LRFN5: variants seen among roughly 807,000 people sequenced by gnomAD.
LRFN5 encodes leucine-rich repeat and fibronectin type-III domain-containing protein 5.
LRFN5 carries 24 observed loss-of-function variants against 45.6 expected under a neutral mutation model. That is an observed-to-expected ratio of 0.53 (90% CI 0.38 to 0.74). LRFN5 has a LOEUF of 0.74. Among genes scored for constraint, LRFN5 ranks in the 30% least tolerant of loss-of-function variants. LRFN5 has a pLI of 0.00. For missense variants in LRFN5, 776 were observed against 861.5 expected, an observed-to-expected ratio of 0.90 and a Z score of 1.24; for synonymous variants, 340 against 313.8, an observed-to-expected ratio of 1.08 and a Z score of -0.88.
chr14:41,862,153 C>A (rs1889687525), intron 2 of LRFN5, among the ~76,000 whole-genome samples: 1 of 152,182 alleles, frequency 6.6e-6, no homozygotes, highest in South Asian at 2.1e-4. Context: ...AATTAAACCT[C>A]TTTTCGTTAT....
intron 1 of LRFN5, among the ~76,000 whole-genome samples, chr14:41,690,841 T>C (rs1287726866): frequency 6.6e-6 from 1 of 152,162 alleles, no homozygotes; most frequent in Non-Finnish European, 1.5e-5. Context: ...TTTACCCTTA[T>C]ATCAAACTTC....
chr14:41,868,176 C>T (rs1889901634), intron 2 of LRFN5, among the ~76,000 whole-genome samples: 1 of 151,998 alleles, frequency 6.6e-6, no homozygotes, highest in Non-Finnish European at 1.5e-5. Flanking sequence ...TTCTCCAAGA[C>T]ATAGCCCTTC....
intron 1 of LRFN5, among the ~76,000 whole-genome samples, chr14:41,609,862 AT>A (rs1303462774): frequency 6.6e-6 from 1 of 151,912 alleles, no homozygotes; most frequent in Non-Finnish European, 1.5e-5. Context: ...GCGCTGCCTG[AT>A]TTTCCCCCAC....
At chr14:41,611,905 CT>C (rs1036867322) in intron 1 of LRFN5, among the ~76,000 whole-genome samples, 1 of 152,198 alleles carries the variant, frequency 6.6e-6, no homozygotes, top group African/African-American at 2.4e-5. Flanking sequence ...CCTATTCCCT[CT>C]TCAATTATTT....
At chr14:41,735,750 C>T (rs1227111658) in intron 1 of LRFN5, among the ~76,000 whole-genome samples, 8 of 151,986 alleles carry the variant, frequency 5.3e-5, no homozygotes, top group African/African-American at 1.7e-4. Flanking sequence ...TGCTATCCCT[C>T]GCCTTGTCCC....
intron 1 of LRFN5, among the ~76,000 whole-genome samples, chr14:41,611,567 A>C (rs1388008319): frequency 1.3e-5 from 2 of 152,186 alleles, no homozygotes; most frequent in Admixed American, 1.3e-4. Flanking sequence ...GAACAAGCAT[A>C]AGCAGATAGG....
intron 1 of LRFN5, among the ~76,000 whole-genome samples, chr14:41,732,523 A>C (rs1048499596): frequency 6.6e-6 from 1 of 152,174 alleles, no homozygotes; most frequent in Non-Finnish European, 1.5e-5. Context: ...ATAAGACATG[A>C]AAATACCTTA....
At chr14:41,716,161 A>G (rs1017607363) in intron 1 of LRFN5, among the ~76,000 whole-genome samples, 6 of 152,136 alleles carry the variant, frequency 3.9e-5, no homozygotes, top group African/African-American at 1.4e-4. Context: ...CTGGCCCCCA[A>G]GACCACTTTT....
At chr14:41,789,224 C>T (rs930767710) in intron 2 of LRFN5, among the ~76,000 whole-genome samples, 2 of 151,888 alleles carry the variant, frequency 1.3e-5, no homozygotes, top group African/African-American at 4.8e-5. Flanking sequence ...CTATTATATC[C>T]ATTACTTGTA....
chr14:41,779,920 A>G (rs1005782186), intron 2 of LRFN5, among the ~76,000 whole-genome samples: 3 of 151,880 alleles, frequency 2.0e-5, no homozygotes, highest in Non-Finnish European at 4.4e-5. Context: ...TCAAATAACT[A>G]GATTTTTCTG....
At chr14:41,848,251 A>G (rs1469234007) in intron 2 of LRFN5, among the ~76,000 whole-genome samples, 1 of 152,088 alleles carries the variant, frequency 6.6e-6, no homozygotes, top group Admixed American at 6.6e-5. Flanking sequence ...ACAAACAAAC[A>G]TTGAAAACCT....
chr14:41,714,147 A>G lies in LRFN5; in HGVS notation c.-196-52707A>G, dbSNP rs185946899. 4.2e-4 allele frequency among the ~76,000 whole-genome samples: 64 copies of G among 152,290 alleles called. 1 individual carries two copies. The highest frequency in any genetic ancestry group is 5.9e-4 in the Admixed American group (9 of 15,296). On this transcript the variant is annotated intron_variant, in intron 1 of 5. Transcript: ENST00000298119. ...ATAAATTAAGGAAAAAAAGAAATGG[A>G]AAACATAAGATTTTTAAAAGTGCTT...
chr14:41,706,971 T>G (rs188454709), intron 1 of LRFN5, among the ~76,000 whole-genome samples: 2 of 152,262 alleles, frequency 1.3e-5, no homozygotes, highest in East Asian at 1.9e-4. Context: ...CTTTAACCAT[T>G]AAATCTACAT....
intron 2 of LRFN5, among the ~76,000 whole-genome samples, chr14:41,869,453 T>C (rs1889946121): frequency 1.3e-5 from 2 of 152,108 alleles, no homozygotes; most frequent in Non-Finnish European, 2.9e-5. Flanking sequence ...AAAAAGGTTT[T>C]TATTAGTATT....
intron 1 of LRFN5, among the ~76,000 whole-genome samples, chr14:41,670,207 G>T (rs1426745629): frequency 3.9e-5 from 5 of 129,728 alleles, no homozygotes; most frequent in Admixed American, 3.1e-4. Context: ...CATTCTCTGT[G>T]TGTGTGTGTA....
intron 3 of LRFN5, among the ~76,000 whole-genome samples, 194 bp from the exon 4 acceptor site, chr14:41,891,056 T>A (rs1299569090): frequency 6.6e-6 from 1 of 152,192 alleles, no homozygotes; most frequent in African/African-American, 2.4e-5. Context: ...GCACGATTAA[T>A]ATAGTGCAGA....
intron 2 of LRFN5, among the ~76,000 whole-genome samples, chr14:41,858,392 A>G (rs561669855): frequency 6.6e-6 from 1 of 152,032 alleles, no homozygotes; most frequent in Admixed American, 6.6e-5. Flanking sequence ...CCAGTAAAAA[A>G]TTTCTCTGAT....
intron 2 of LRFN5, among the ~76,000 whole-genome samples, chr14:41,845,341 A>G (rs957636551): frequency 5.3e-5 from 8 of 152,152 alleles, no homozygotes; most frequent in African/African-American, 1.4e-4. Context: ...AATAGACTAT[A>G]TCTGCATTTA....
At chr14:41,811,063 G>A (rs1056798167) in intron 2 of LRFN5, among the ~76,000 whole-genome samples, 1 of 151,704 alleles carries the variant, frequency 6.6e-6, no homozygotes, top group Non-Finnish European at 1.5e-5. Context: ...GGACAGTAAG[G>A]GCTTAATAAT....
Sources: allele counts gnomAD v4.1 joint callset (sites outside exome capture counted in the v4.1 genomes callset), GRCh38; gene constraint gnomAD v4.1.1; transcripts MANE v1.5; gene names NCBI Gene and HGNC (gene_info 2026-07-23, HGNC 2026-07-21).